The following FRMPD4 variants were observed in gnomAD, a reference collection of about 807,000 sequenced individuals.
The protein encoded by FRMPD4 is FERM and PDZ domain containing 4, also known as FERM and PDZ domain-containing protein 4.
In FRMPD4, 22 loss-of-function variants were observed where a neutral mutation model predicts 94.1. The observed-to-expected ratio is 0.23, with a 90% CI of 0.17 to 0.33. FRMPD4 has a LOEUF of 0.33. Among genes scored for constraint, FRMPD4 ranks in the 10% least tolerant of loss-of-function variants. FRMPD4 has a pLI of 1.00. For missense variants in FRMPD4, 1,111 were observed against 1,339.9 expected, an observed-to-expected ratio of 0.83 and a Z score of 2.67; for synonymous variants, 631 against 548.6, an observed-to-expected ratio of 1.15 and a Z score of -2.10.
intron 1 of FRMPD4, among the ~76,000 whole-genome samples, chrX:12,421,694 C>A (rs1341296285): frequency 9.5e-6 from 1 of 104,724 alleles, no homozygotes; most frequent in Non-Finnish European, 1.9e-5. Flanking sequence ...TCTGGGAGTT[C>A]CAAGCTGCAG....
At chrX:12,332,244 A>AGAG in intron 1 of FRMPD4, among the ~76,000 whole-genome samples, 9 of 86,904 alleles carry the variant, frequency 1.0e-4, no homozygotes, top group East Asian at 3.3e-4. Context: ...AGAGAGAGAG[A>AGAG]ATTTGGCCAT....
intron 1 of FRMPD4, among the ~76,000 whole-genome samples, chrX:12,168,842 G>T (rs1291056032): frequency 9.0e-6 from 1 of 110,824 alleles, no homozygotes; most frequent in Admixed American, 9.6e-5. Flanking sequence ...AGCCAGGATG[G>T]TCTCCATTTC....
intron 2 of FRMPD4, among the ~76,000 whole-genome samples, chrX:12,589,233 T>G (rs1382154889): frequency 8.9e-6 from 1 of 111,985 alleles, no homozygotes; most frequent in Non-Finnish European, 1.9e-5. Flanking sequence ...GATTTTTTCC[T>G]TTAGGCCAAA....
chrX:12,458,319 T>G (rs939555251), intron 1 of FRMPD4, among the ~76,000 whole-genome samples: 1 of 112,058 alleles, frequency 8.9e-6, no homozygotes, highest in Non-Finnish European at 1.9e-5. Flanking sequence ...AGTACTACTA[T>G]GAGACCAATG....
intron 4 of FRMPD4, among the ~76,000 whole-genome samples, chrX:12,651,220 G>A (rs1191135275): frequency 8.9e-6 from 1 of 112,036 alleles, no homozygotes; most frequent in East Asian, 2.8e-4. Context: ...TGTCTAGGCA[G>A]AAGTTTATTG....
chrX:12,296,944 A>G (rs1036922287), intron 1 of FRMPD4, among the ~76,000 whole-genome samples: 1 of 112,354 alleles, frequency 8.9e-6, no homozygotes, highest in Non-Finnish European at 1.9e-5. Flanking sequence ...ACAGGTGGGC[A>G]TGGGGTAGTT....
chrX:12,214,959 ATATTT>A (rs1183868270), intron 1 of FRMPD4, among the ~76,000 whole-genome samples: 2 of 111,947 alleles, frequency 1.8e-5, no homozygotes, highest in Non-Finnish European at 3.8e-5. Context: ...ACATAAATTA[ATATTT>A]TATAGGTAAA....
intron 1 of FRMPD4, among the ~76,000 whole-genome samples, chrX:12,371,490 C>T (rs1280375674): frequency 1.8e-5 from 2 of 112,552 alleles, no homozygotes; most frequent in Non-Finnish European, 3.8e-5. Context: ...AAACTGAGCA[C>T]GAAATTCCTA....
At chrX:12,232,413 C>T (rs1227360406) in intron 1 of FRMPD4, among the ~76,000 whole-genome samples, 1 of 110,867 alleles carries the variant, frequency 9.0e-6, no homozygotes, top group Non-Finnish European at 1.9e-5. Context: ...AGGGGGAAGC[C>T]CTTGTAAAAC....
chrX:12,400,833 A>C (rs1443650045), intron 1 of FRMPD4, among the ~76,000 whole-genome samples: 2 of 112,341 alleles, frequency 1.8e-5, no homozygotes, highest in Non-Finnish European at 3.8e-5. Context: ...CTTGGAGCTG[A>C]TGTTGTGACC....
intron 1 of FRMPD4, among the ~76,000 whole-genome samples, chrX:12,385,360 CTG>C (rs2056382918): frequency 8.9e-6 from 1 of 112,372 alleles, no homozygotes; most frequent in Non-Finnish European, 1.9e-5. Flanking sequence ...CTAAGAAATT[CTG>C]TGTTTCCCAT....
At chrX:11,822,854 T>C (rs2053420496) in intron 1 of FRMPD4, among the ~76,000 whole-genome samples, 1 of 112,403 alleles carries the variant, frequency 8.9e-6, no homozygotes, top group African/African-American at 3.2e-5. Flanking sequence ...TTGGGTCTGA[T>C]TGGTTGGGAC....
intron 1 of FRMPD4, among the ~76,000 whole-genome samples, chrX:12,153,081 C>T (rs1308726494): frequency 9.1e-6 from 1 of 109,976 alleles, no homozygotes; most frequent in Non-Finnish European, 1.9e-5. Flanking sequence ...CTACAGGCAC[C>T]CGCCACCGCG....
At chrX:12,462,755 G>A (rs150703664) in intron 1 of FRMPD4, among the ~76,000 whole-genome samples, 12,117 of 111,859 alleles carry the variant, frequency 0.11, 596 homozygotes, top group African/African-American at 0.17. Context: ...TTGGGAGGCC[G>A]AGGTGGGACG....
At chrX:12,314,005 A>G (rs1401366366) in intron 1 of FRMPD4, among the ~76,000 whole-genome samples, 1 of 112,488 alleles carries the variant, frequency 8.9e-6, no homozygotes, top group Non-Finnish European at 1.9e-5. Context: ...GTCTATAAAC[A>G]TTGTATCAGT....
intron 8 of FRMPD4, among the ~76,000 whole-genome samples, chrX:12,690,881 T>C (rs746269685): frequency 3.6e-5 from 4 of 111,874 alleles, no homozygotes; most frequent in Non-Finnish European, 7.5e-5. Context: ...AGCTGCTGAA[T>C]TCAGCGCAGC....
chrX:11,838,351 C>T (rs1054064690), intron 1 of FRMPD4, among the ~76,000 whole-genome samples: 4 of 111,464 alleles, frequency 3.6e-5, no homozygotes, highest in African/African-American at 1.3e-4. Context: ...CTTACAGTAT[C>T]GAAACTGTAA....
intron 3 of FRMPD4, among the ~76,000 whole-genome samples, chrX:12,101,845 T>C (rs1296848323): frequency 8.9e-6 from 1 of 112,019 alleles, no homozygotes. Flanking sequence ...CTAGTCTTTG[T>C]GTGTGTGAGT....
rs2054440445 is a variant in FRMPD4 at position 11,987,773 on chromosome X, C to T, written c.95+109755C>T. On this transcript the variant is annotated intron_variant, in intron 3 of 18. Transcript: ENST00000640291. ...CAAAAATCAGTAGCATTTCTATATG[C>T]CAACAGTGAACAATCTGAAAAAGAA... Among the ~76,000 whole-genome samples the T allele has an allele frequency of 3.6e-5, 4 of 111,186 alleles. No homozygotes were observed. The Admixed American group carries it at 3.8e-4, about 11-fold the overall frequency.
Sources: gnomAD v4.1 joint callset for allele counts (sites outside exome capture counted in the v4.1 genomes callset) on GRCh38, gnomAD v4.1.1 for gene constraint, MANE v1.5 for transcripts, NCBI Gene and HGNC (gene_info 2026-07-23, HGNC 2026-07-21) for gene names.